Variants in MEIS2 observed in about 807,000 individuals in gnomAD.
MEIS2 encodes Meis homeobox 2.
MEIS2 carries 9 observed loss-of-function variants against 58.6 expected under a neutral mutation model. The ratio of observed to expected loss-of-function variants is 0.15; its 90% confidence interval spans 0.09 to 0.27. The LOEUF (loss-of-function observed/expected upper bound fraction) is 0.27, where lower values mean the gene tolerates loss of function less well. Ranked by LOEUF, MEIS2 falls within the 10% of genes least tolerant of loss-of-function variation. The pLI is 1.00. For missense variants in MEIS2, 427 were observed against 635.0 expected (o/e 0.67, Z 3.52); for synonymous variants, 221 against 228.4 (o/e 0.97, Z 0.29).
rs148563324 is a variant in MEIS2 at position 36,985,797 on chromosome 15, G to A, written c.901-35397C>T. 2.6e-5 allele frequency among the ~76,000 whole-genome samples: 4 copies of A among 152,290 alleles called. No individual in the cohort carries two copies. In the East Asian group the frequency reaches 7.7e-4, roughly 29 times the overall value. On this transcript the variant is annotated intron_variant, in intron 8 of 11. Transcript: ENST00000561208. ...CAAAGCAGTTCCCAAGAGCCAGAGA[G>A]GGGTTTCTGCTCAGATTTCTGGTTG...
At chr15:36,932,266 T>C (rs1361790539) in intron 9 of MEIS2, among the ~76,000 whole-genome samples, 4 of 152,204 alleles carry the variant, frequency 2.6e-5, no homozygotes, top group Non-Finnish European at 2.9e-5. Flanking sequence ...GTTGCATGAC[T>C]CTGAAGGTGC....
intron 8 of MEIS2, among the ~76,000 whole-genome samples, chr15:36,989,932 T>TTTTG (rs752139582): frequency 2.4e-4 from 36 of 151,890 alleles, no homozygotes; most frequent in East Asian, 7.8e-4. Context: ...TTGGAAGCAG[T>TTTTG]TTTGTTTGTT....
intron 8 of MEIS2, among the ~76,000 whole-genome samples, chr15:36,968,218 C>A (rs967594663): frequency 6.6e-6 from 1 of 152,156 alleles, no homozygotes; most frequent in Non-Finnish European, 1.5e-5. Flanking sequence ...TTCTTGATCA[C>A]TACTTTGAAG....
intron 9 of MEIS2, among the ~76,000 whole-genome samples, chr15:36,937,558 C>G (rs2058221882): frequency 6.6e-6 from 1 of 152,112 alleles, no homozygotes; most frequent in Non-Finnish European, 1.5e-5. Context: ...ACTACTGCTG[C>G]CTTTTAAAAA....
intron 8 of MEIS2, among the ~76,000 whole-genome samples, chr15:37,018,312 A>C (rs527835055): frequency 6.6e-6 from 1 of 152,334 alleles, no homozygotes; most frequent in African/African-American, 2.4e-5. Flanking sequence ...TAAATGATCC[A>C]AGGAATGTCT....
intron 11 of MEIS2, among the ~76,000 whole-genome samples, chr15:36,894,249 C>A (rs74567722): frequency 0.028 from 4,215 of 152,200 alleles, 88 homozygotes; most frequent in Middle Eastern, 0.058. Flanking sequence ...GCATAATGAA[C>A]TGCAGCATTT....
intron 7 of MEIS2, among the ~76,000 whole-genome samples, chr15:37,039,770 A>G (rs1351980988): frequency 6.6e-6 from 1 of 152,212 alleles, no homozygotes; most frequent in African/African-American, 2.4e-5. Context: ...AAATAATTAT[A>G]AACAATAATG....
At chr15:37,002,918 T>C (rs1261416071) in intron 8 of MEIS2, among the ~76,000 whole-genome samples, 1 of 152,176 alleles carries the variant, frequency 6.6e-6, no homozygotes, top group Non-Finnish European at 1.5e-5. Flanking sequence ...TTTGTTTTAT[T>C]TTTAAATTTA....
At chr15:37,006,356 A>C (rs559235251) in intron 8 of MEIS2, among the ~76,000 whole-genome samples, 1 of 152,232 alleles carries the variant, frequency 6.6e-6, no homozygotes, top group Non-Finnish European at 1.5e-5. Flanking sequence ...TGGGTATCGT[A>C]ACCATATAAA....
At chr15:36,986,594 C>G (rs2060099965) in intron 8 of MEIS2, among the ~76,000 whole-genome samples, 1 of 152,194 alleles carries the variant, frequency 6.6e-6, no homozygotes, top group Admixed American at 6.5e-5. Context: ...GTTCTCTCCT[C>G]AGAGATCTGA....
At chr15:37,043,833 G>A (rs1357062734) in intron 7 of MEIS2, among the ~76,000 whole-genome samples, 14 of 151,816 alleles carry the variant, frequency 9.2e-5, no homozygotes, top group South Asian at 4.2e-4. Context: ...GATTACAGGC[G>A]CGTGCCACCA....
intron 8 of MEIS2, among the ~76,000 whole-genome samples, chr15:37,005,186 C>G (rs1014175349): frequency 6.6e-6 from 1 of 152,170 alleles, no homozygotes; most frequent in Non-Finnish European, 1.5e-5. Flanking sequence ...AACGCATGCC[C>G]TCACCATGAT....
chr15:36,892,196 C>T lies in MEIS2; in HGVS notation c.1411G>A (p.Val471Ile), dbSNP rs771868780. The change falls in exon 12 of 12, where the codon GTT (valine) becomes ATT (isoleucine). Residue 471 changes from valine to isoleucine, a missense_variant. Val to Ile is a conservative substitution (Grantham distance 29). This residue lies in a region of MEIS2 where 154 missense variants were observed against 148.1 expected (regional missense o/e 1.04). Transcript: ENST00000561208. ...TACTATTGGGCATGAATGTCCATAACCTGTCCGCCAACATTGGGATCTACA... is the reference window on the plus strand; with the variant it reads ...TACTATTGGGCATGAATGTCCATAATCTGTCCGCCAACATTGGGATCTACA... The part of the protein sequence containing the change: ...NSVDPNVGGQ[V>I]MDIHAQ 5.6e-6 allele frequency: 9 copies of T among 1,614,218 alleles called. No homozygotes were observed. The highest frequency in any genetic ancestry group is 6.8e-6 in the Non-Finnish European group (8 of 1,180,036).
chr15:36,941,680 A>G (rs1567083237), intron 9 of MEIS2, among the ~76,000 whole-genome samples: 1 of 152,238 alleles, frequency 6.6e-6, no homozygotes, highest in South Asian at 2.1e-4. Flanking sequence ...AAAGTATACA[A>G]ACATCTGTGA....
intron 7 of MEIS2, among the ~76,000 whole-genome samples, chr15:37,037,820 GGCATCAATCAAGA>G (rs1380959895): frequency 6.6e-6 from 1 of 152,122 alleles, no homozygotes; most frequent in African/African-American, 2.4e-5. Flanking sequence ...TTTTTGGGAA[GGCATCAATCAAGA>G]GCAGCAATAT....
chr15:36,944,445 G>A (rs1360325232), intron 9 of MEIS2, among the ~76,000 whole-genome samples: 2 of 152,068 alleles, frequency 1.3e-5, no homozygotes, highest in East Asian at 3.9e-4. Flanking sequence ...CAACCCATGA[G>A]TGACTGTCGG....
intron 8 of MEIS2, among the ~76,000 whole-genome samples, chr15:36,958,006 T>A (rs9806722): frequency 0.016 from 2,494 of 152,334 alleles, 67 homozygotes; most frequent in African/African-American, 0.057. Context: ...TAATGTTTTT[T>A]AATTTAATGG....
intron 8 of MEIS2, among the ~76,000 whole-genome samples, chr15:37,013,470 A>G (rs916928695): frequency 1.6e-4 from 24 of 151,530 alleles, no homozygotes; most frequent in Admixed American, 9.2e-4. Flanking sequence ...TACTCCAGAG[A>G]CTGAGGCAGG....
chr15:36,889,743 AT>A lies in MEIS2; in HGVS notation c.*2429del, dbSNP rs2055787728. ...TTTTTCCCACCTGATGTGAGAGTTG[AT>A]TTATAATGGGGAATTTTCATAGTTT... On this transcript the variant is annotated 3_prime_UTR_variant, in exon 12 of 12. Transcript: ENST00000561208. 6.6e-6 allele frequency: 1 copy of A among 152,188 alleles called. No individual in the cohort carries two copies. Among genetic ancestry groups the A allele is most frequent in the Non-Finnish European group, 1.5e-5 (1 of 68,024 alleles). The allele number at this position is 152,188 out of a possible 1,614,324, so 9.4% of individuals were successfully genotyped here.
Sources: gnomAD v4.1 joint callset for allele counts (sites outside exome capture counted in the v4.1 genomes callset) on GRCh38, gnomAD v4.1.1 for gene constraint, gnomAD v4.1.1 regional missense constraint, MANE v1.5 for transcripts, NCBI Gene and HGNC (gene_info 2026-07-23, HGNC 2026-07-21) for gene names.